The following SOX5 variants were observed in gnomAD, a reference collection of about 807,000 sequenced individuals.
The protein encoded by SOX5 is SRY-box transcription factor 5, also known as transcription factor SOX-5.
Under a neutral mutation model 92.0 loss-of-function variants are expected in SOX5, and 9 were observed. That is an observed-to-expected ratio of 0.10 (90% CI 0.06 to 0.17). The LOEUF is 0.17. SOX5 is among the 10% of genes least tolerant of loss of function. The pLI is 1.00. For synonymous variants in SOX5, 344 were observed against 336.3 expected (o/e 1.02, Z -0.25); for missense variants, 642 against 944.5 (o/e 0.68, Z 4.20).
At position 24,287,447 on chromosome 12, in the gene SOX5, C is replaced by A. The variant is rs373132192; in HGVS notation, c.-173-10135G>T. On this transcript the variant is annotated intron_variant, in intron 2 of 4. Coordinates refer to the SOX5 transcript ENST00000446891. ...GCTTTTTGAACACTAAGTGCTGCTT[C>A]CTTGCCGCTGTCAGCCAAGCCCTTC... 1.4e-4 allele frequency among the ~76,000 whole-genome samples: 22 copies of A among 152,256 alleles called. No homozygotes were observed. In the East Asian group the frequency reaches 2.9e-3, roughly 20 times the overall value.
chr12:24,346,120 A>G (rs181056404), intron 2 of SOX5, among the ~76,000 whole-genome samples: 2 of 152,322 alleles, frequency 1.3e-5, no homozygotes, highest in Admixed American at 6.5e-5. Flanking sequence ...CAAACTTCCA[A>G]TCTTCTAGAT....
chr12:23,565,890 C>G (rs1429226617), intron 10 of SOX5, among the ~76,000 whole-genome samples: 1 of 152,116 alleles, frequency 6.6e-6, no homozygotes, highest in Non-Finnish European at 1.5e-5. Context: ...AATCCTTAAC[C>G]CTGCTGACTC....
intron 6 of SOX5, among the ~76,000 whole-genome samples, chr12:23,707,566 T>G (rs2091551763): frequency 6.6e-6 from 1 of 152,164 alleles, no homozygotes; most frequent in African/African-American, 2.4e-5. Context: ...AACGATTATG[T>G]GCTACAATTT....
rs529377420 is a variant in SOX5, at chr12:24,141,423, T to A, written c.-2+71920A>T. Among the ~76,000 whole-genome samples the A allele has an allele frequency of 2.6e-5, 4 of 152,310 alleles. No individual in the cohort carries two copies. The South Asian group carries it at 6.2e-4, about 24-fold the overall frequency. On this transcript the variant is annotated intron_variant, in intron 4 of 4. Coordinates refer to the SOX5 transcript ENST00000446891. ...TTAGAAGGTTTTTCACAGTTCAATA[T>A]GTACATAGATTGATGAAAAGAACAC...
chr12:24,384,764 G>A (rs1325649823), intron 1 of SOX5, among the ~76,000 whole-genome samples: 1 of 152,136 alleles, frequency 6.6e-6, no homozygotes, highest in Non-Finnish European at 1.5e-5. Flanking sequence ...TCCAACTCAT[G>A]GGAATGTGTT....
At chr12:23,792,659 A>AAAAAAAAAAAAAC (rs2095496767) in intron 3 of SOX5, among the ~76,000 whole-genome samples, 2 of 132,460 alleles carry the variant, frequency 1.5e-5, no homozygotes, top group African/African-American at 5.5e-5. Flanking sequence ...AAAAAAAAAA[A>AAAAAAAAAAAAAC]AAACTTGGAC....
chr12:23,577,381 G>A (rs1446467138), intron 9 of SOX5, among the ~76,000 whole-genome samples: 1 of 151,376 alleles, frequency 6.6e-6, no homozygotes, highest in East Asian at 2.0e-4. Context: ...TGTATTTTTA[G>A]TAGAGACAGG....
intron 6 of SOX5, among the ~76,000 whole-genome samples, chr12:23,702,393 C>CTG (rs2090778156): frequency 1.3e-5 from 2 of 151,982 alleles, no homozygotes; most frequent in South Asian, 4.1e-4. Flanking sequence ...GATTCATACT[C>CTG]ATCAAAGTTG....
At chr12:24,202,427 C>T (rs546197257) in intron 4 of SOX5, among the ~76,000 whole-genome samples, 1 of 152,284 alleles carries the variant, frequency 6.6e-6, no homozygotes, top group South Asian at 2.1e-4. Flanking sequence ...CAGGTTCCCA[C>T]AAATTAACAT....
At chr12:23,721,822 G>T (rs1020541001) in intron 6 of SOX5, among the ~76,000 whole-genome samples, 7 of 152,176 alleles carry the variant, frequency 4.6e-5, no homozygotes, top group Non-Finnish European at 1.0e-4. Context: ...ACGTGCACAG[G>T]CACAAGCCAA....
chr12:24,231,307 T>C (rs1316557320), intron 3 of SOX5, among the ~76,000 whole-genome samples: 1 of 152,230 alleles, frequency 6.6e-6, no homozygotes, highest in African/African-American at 2.4e-5. Flanking sequence ...GTGGAAACTC[T>C]GCAAATGGAT....
intron 4 of SOX5, among the ~76,000 whole-genome samples, chr12:23,984,691 A>G (rs1311712641): frequency 6.6e-6 from 1 of 152,170 alleles, no homozygotes; most frequent in East Asian, 1.9e-4. Flanking sequence ...GAAAATGCCA[A>G]AATAAGAGTG....
chr12:24,216,242 G>A (rs566052873), intron 3 of SOX5, among the ~76,000 whole-genome samples: 1 of 152,214 alleles, frequency 6.6e-6, no homozygotes, highest in African/African-American at 2.4e-5. Context: ...CCAGCACTTT[G>A]GGAGGCCGAG....
At chr12:23,623,169 T>C (rs1199643416) in intron 8 of SOX5, among the ~76,000 whole-genome samples, 1 of 152,154 alleles carries the variant, frequency 6.6e-6, no homozygotes, top group African/African-American at 2.4e-5. Flanking sequence ...TGAAAGGTAC[T>C]GAGTTAGATC....
chr12:23,788,819 A>T (rs2141919085), intron 3 of SOX5, among the ~76,000 whole-genome samples: 1 of 152,140 alleles, frequency 6.6e-6, no homozygotes, highest in South Asian at 2.1e-4. Flanking sequence ...AGCACATACC[A>T]TGTGCCACAC....
intron 6 of SOX5, among the ~76,000 whole-genome samples, chr12:23,691,368 T>A (rs777736486): frequency 9.2e-5 from 14 of 152,238 alleles, no homozygotes; most frequent in Non-Finnish European, 2.1e-4. Flanking sequence ...CTAGCTTTAG[T>A]TAAGACTATG....
intron 3 of SOX5, chr12:24,277,107 AT>A (rs1401408904): frequency 2.0e-5 from 3 of 152,016 alleles, no homozygotes; most frequent in Admixed American, 6.6e-5. Context: ...TGTTTTATAT[AT>A]TTTTACTTAT....
chr12:23,696,901 C>T (rs1047703334), intron 6 of SOX5, among the ~76,000 whole-genome samples: 17 of 152,136 alleles, frequency 1.1e-4, no homozygotes, highest in African/African-American at 3.9e-4. Context: ...CTGAAATTTT[C>T]CAGATATTGT....
At chr12:23,655,657 G>A (rs779693133) in intron 7 of SOX5, among the ~76,000 whole-genome samples, 1 of 152,012 alleles carries the variant, frequency 6.6e-6, no homozygotes, top group Non-Finnish European at 1.5e-5. Flanking sequence ...CCTCCTGAGT[G>A]TATCCAGGGT....
Sources: gnomAD v4.1 joint callset for allele counts (sites outside exome capture counted in the v4.1 genomes callset) on GRCh38, gnomAD v4.1.1 for gene constraint, MANE v1.5 for transcripts, NCBI Gene and HGNC (gene_info 2026-07-23, HGNC 2026-07-21) for gene names.